Variants in HMG20A observed in about 807,000 individuals in gnomAD.
HMG20A encodes the protein high mobility group protein 20A.
HMG20A carries 17 observed loss-of-function variants against 43.9 expected under a neutral mutation model. That is an observed-to-expected ratio of 0.39 (90% CI 0.27 to 0.58). HMG20A has a LOEUF of 0.58. HMG20A is among the 20% of genes least tolerant of loss of function. The pLI, the probability that HMG20A is intolerant of heterozygous loss-of-function variation, is 0.59. For synonymous variants in HMG20A, 132 were observed against 147.5 expected (o/e 0.89, Z 0.76); for missense variants, 341 against 438.2 (o/e 0.78, Z 1.98).
At chr15:77,442,266 G>A (rs2073620722) in intron 1 of HMG20A, among the ~76,000 whole-genome samples, 1 of 152,112 alleles carries the variant, frequency 6.6e-6, no homozygotes, top group Non-Finnish European at 1.5e-5. Flanking sequence ...AAAGTTAATA[G>A]GACATAAATT....
At chr15:77,450,116 T>A (rs2073719193) in intron 1 of HMG20A, among the ~76,000 whole-genome samples, 1 of 152,114 alleles carries the variant, frequency 6.6e-6, no homozygotes, top group African/African-American at 2.4e-5. Context: ...CAGATTTATT[T>A]TTTATTTATT....
chr15:77,512,002 C>G, the HMG20A span, among the ~76,000 whole-genome samples: 1 of 152,220 alleles, frequency 6.6e-6, no homozygotes, highest in African/African-American at 2.4e-5. Context: ...AATGTGGAAG[C>G]AGCCCAAGTG....
chr15:77,497,802 C>T, the HMG20A span, among the ~76,000 whole-genome samples: 7 of 150,844 alleles, frequency 4.6e-5, no homozygotes, highest in Non-Finnish European at 1.0e-4. Flanking sequence ...CAAAAAGGCA[C>T]AAAACAATCA....
At chr15:77,506,422 G>A in the HMG20A span, among the ~76,000 whole-genome samples, 6 of 152,212 alleles carry the variant, frequency 3.9e-5, no homozygotes, top group Admixed American at 3.9e-4. Context: ...TCCGGAGGCA[G>A]TGCGTTCTCC....
Position 77,477,599 on chromosome 15 carries a change from A to G in HMG20A, c.660A>G (p.Ile220Met). 1.9e-6 allele frequency: 3 copies of G among 1,612,614 alleles called. No homozygotes were observed. The highest frequency in any genetic ancestry group is 2.5e-6 in the Non-Finnish European group (3 of 1,178,912). ...VKERSVFDIP[I>M]FTEEFLNHSK... ...AACGGTCTGTTTTTGACATCCCTATATTTACAGAGGAATTCTTGAACCATA... is the reference window on the plus strand; with the variant it reads ...AACGGTCTGTTTTTGACATCCCTATGTTTACAGAGGAATTCTTGAACCATA... The change falls in exon 7 of 10, where the codon ATA (isoleucine) becomes ATG (methionine). Residue 220 changes from isoleucine to methionine, a missense_variant. Physicochemically the swap from Ile to Met is conservative, Grantham distance 10 (BLOSUM62 1). Coordinates refer to ENST00000336216, the MANE Select transcript of HMG20A (RefSeq NM_001304504.2).
intron 9 of HMG20A, 153 bp downstream of exon 9, chr15:77,479,474 G>A: frequency 1.5e-6 from 1 of 685,570 alleles, no homozygotes; most frequent in Non-Finnish European, 2.4e-6. Flanking sequence ...GTTAAATGTA[G>A]TAAATAATAT....
intron 1 of HMG20A, among the ~76,000 whole-genome samples, chr15:77,441,338 GTGTT>G (rs1387525510): frequency 6.6e-6 from 1 of 152,082 alleles, no homozygotes; most frequent in African/African-American, 2.4e-5. Context: ...AGAGAACTCT[GTGTT>G]TGTTTGTGTA....
intron 5 of HMG20A, among the ~76,000 whole-genome samples, chr15:77,471,582 T>C (rs1277007207): frequency 1.3e-5 from 2 of 152,234 alleles, no homozygotes; most frequent in Non-Finnish European, 2.9e-5. Context: ...GTTTCTCTTA[T>C]GCCTAATTAT....
At chr15:77,434,310 G>A (rs568556606) in intron 1 of HMG20A, among the ~76,000 whole-genome samples, 5 of 151,962 alleles carry the variant, frequency 3.3e-5, no homozygotes, top group South Asian at 4.2e-4. Flanking sequence ...GTAATGATCC[G>A]AAAAGGAAGG....
chr15:77,497,214 G>C, the HMG20A span, among the ~76,000 whole-genome samples: 1 of 152,206 alleles, frequency 6.6e-6, no homozygotes, highest in African/African-American at 2.4e-5. Context: ...GAAATCATGA[G>C]GATTTACAAT....
At chr15:77,471,736 T>C (rs1040133390) in intron 5 of HMG20A, 47 bp from the exon 6 acceptor site, 3 of 1,329,690 alleles carry the variant, frequency 2.3e-6, no homozygotes, top group Admixed American at 3.6e-5. Context: ...GTTTTGTTAT[T>C]GCTTTCTTTT....
At chr15:77,512,527 A>T in the HMG20A span, among the ~76,000 whole-genome samples, 4 of 152,208 alleles carry the variant, frequency 2.6e-5, no homozygotes, top group African/African-American at 9.6e-5. Flanking sequence ...CAAAATGATG[A>T]TCTGTGAGTT....
At chr15:77,444,503 G>GT (rs1229495577) in intron 1 of HMG20A, among the ~76,000 whole-genome samples, 1 of 152,002 alleles carries the variant, frequency 6.6e-6, no homozygotes, top group East Asian at 1.9e-4. Flanking sequence ...TTTTAAACTT[G>GT]TTTTTTCTTT....
At chr15:77,442,647 A>G (rs567065021) in intron 1 of HMG20A, among the ~76,000 whole-genome samples, 7 of 152,292 alleles carry the variant, frequency 4.6e-5, no homozygotes, top group Admixed American at 1.3e-4. Flanking sequence ...GAGAAAGAAT[A>G]TATCATTAGC....
intron 1 of HMG20A, among the ~76,000 whole-genome samples, chr15:77,439,092 C>T (rs537880545): frequency 1.1e-4 from 16 of 152,300 alleles, no homozygotes; most frequent in East Asian, 3.9e-4. Context: ...CACGCCCGTC[C>T]GTAGGTTTGG....
Position 77,468,750 on chromosome 15 carries a change from T to G in HMG20A, c.450+1443T>G, listed in dbSNP as rs566104770. The stretch of plus-strand genomic sequence containing the variant: ...GTATGTCAAAGAATATTTTCTTATA[T>G]AACCATAGTGTAGTCATCAATTTCA... On this transcript the variant is annotated intron_variant, in intron 4 of 9. Transcript: ENST00000336216. Among the ~76,000 whole-genome samples the G allele has an allele frequency of 2.0e-5, 3 of 152,308 alleles. No individual in the cohort carries two copies. In the South Asian group the frequency reaches 6.2e-4, roughly 32 times the overall value.
rs967211409 is a variant in HMG20A, at chr15:77,485,018, A to G, written c.*2055A>G. ...CCAGGATCATCATTCTTCTGACTCT[A>G]GATGGGACACTTGACAGTGACTTGA... On this transcript the variant is annotated 3_prime_UTR_variant, in exon 10 of 10. Transcript: ENST00000336216. 1 of 152,240 alleles carries G rather than the reference A, an allele frequency of 6.6e-6. No homozygotes were observed. The highest frequency in any genetic ancestry group is 1.5e-5 in the Non-Finnish European group (1 of 68,046). 9.4% of individuals were successfully genotyped at this position (152,240 alleles called of 1,614,324 possible).
At chr15:77,451,949 A>G (rs1483918272) in intron 1 of HMG20A, among the ~76,000 whole-genome samples, 1 of 152,254 alleles carries the variant, frequency 6.6e-6, no homozygotes, top group African/African-American at 2.4e-5. Context: ...AGACATGAAC[A>G]CTGACTCTAT....
intron 6 of HMG20A, among the ~76,000 whole-genome samples, chr15:77,472,861 C>G (rs145560291): frequency 6.6e-6 from 1 of 152,332 alleles, no homozygotes; most frequent in African/African-American, 2.4e-5. Flanking sequence ...GGCTCACACT[C>G]TTTGGTTGTA....
Sources: allele counts gnomAD v4.1 joint callset (sites outside exome capture counted in the v4.1 genomes callset), GRCh38; gene constraint gnomAD v4.1.1; transcripts MANE v1.5; gene names NCBI Gene and HGNC (gene_info 2026-07-23, HGNC 2026-07-21).